The following NIM1K variants were observed in gnomAD, a reference collection of about 807,000 sequenced individuals.
The protein encoded by NIM1K is serine/threonine-protein kinase NIM1.
A neutral mutation model predicts 37.1 loss-of-function variants in NIM1K; 35 were observed. That is an observed-to-expected ratio of 0.94 (90% CI 0.72 to 1.25). The LOEUF is 1.25. Ranked by LOEUF, NIM1K falls within the 50% of genes most tolerant of loss-of-function variation. The probability of loss-of-function intolerance (pLI) is 0.00; values close to 1 mark genes in which losing one functional copy is unlikely to be tolerated. For synonymous variants in NIM1K, 234 were observed against 206.6 expected (o/e 1.13, Z -1.14); for missense variants, 564 against 548.0 (o/e 1.03, Z -0.29).
intron 1 of NIM1K, among the ~76,000 whole-genome samples, chr5:43,208,771 G>C (rs958401456): frequency 6.6e-6 from 1 of 152,212 alleles, no homozygotes; most frequent in African/African-American, 2.4e-5. Flanking sequence ...CTTGAGGCTG[G>C]ATATTTAACT....
chr5:43,228,573 C>G (rs1364601572), intron 1 of NIM1K, among the ~76,000 whole-genome samples: 5 of 151,818 alleles, frequency 3.3e-5, no homozygotes, highest in African/African-American at 1.2e-4. Context: ...TCCTGTAATC[C>G]CAGCGTTTTG....
chr5:43,249,616 A>G (rs1171860331), intron 2 of NIM1K, among the ~76,000 whole-genome samples: 8 of 152,150 alleles, frequency 5.3e-5, no homozygotes, highest in Admixed American at 2.6e-4. Context: ...GAATAGGAGA[A>G]AGAGCAAATT....
chr5:43,279,771 A>C (rs1753408541), intron 3 of NIM1K, among the ~76,000 whole-genome samples: 1 of 152,212 alleles, frequency 6.6e-6, no homozygotes, highest in South Asian at 2.1e-4. Flanking sequence ...AACCCTTACC[A>C]CATAGAATAG....
rs143310596 is a variant in NIM1K, at chr5:43,198,768, A to T, written c.-695+6357A>T. The stretch of plus-strand genomic sequence containing the variant: ...TCAGACAGTCTTGGGCTTGAAATTA[A>T]ACTTGGATGTTAATTGCCTGTATGG... On this transcript the variant is annotated intron_variant, in intron 1 of 3. Coordinates refer to ENST00000326035, the MANE Select transcript of NIM1K (RefSeq NM_153361.4). Among the ~76,000 whole-genome samples, 441 of 152,338 alleles carry T rather than the reference A, an allele frequency of 2.9e-3. 2 individuals carry two copies. The highest frequency in any genetic ancestry group is 0.01 in the African/African-American group (429 of 41,582).
At position 43,250,976 on chromosome 5, in the gene NIM1K, C is replaced by G. The variant is rs112191324; in HGVS notation, c.292+4909C>G. Among the ~76,000 whole-genome samples, 522 of 152,284 alleles carry G rather than the reference C, an allele frequency of 3.4e-3. 4 individuals carry two copies. Among genetic ancestry groups the G allele is most frequent in the African/African-American group, 0.012 (509 of 41,546 alleles). On this transcript the variant is annotated intron_variant, in intron 2 of 3. Coordinates refer to ENST00000326035, the MANE Select transcript of NIM1K (RefSeq NM_153361.4). ...CTTCTGACTTTAGGCATATTAATCTCTTTGGTCCTCAGTTGCCTCAGCTGT... is the reference window on the plus strand; with the variant it reads ...CTTCTGACTTTAGGCATATTAATCTGTTTGGTCCTCAGTTGCCTCAGCTGT...
intron 2 of NIM1K, among the ~76,000 whole-genome samples, chr5:43,251,503 TGTCCCAAG>T (rs1752866101): frequency 6.6e-6 from 1 of 152,226 alleles, no homozygotes; most frequent in African/African-American, 2.4e-5. Context: ...CAGAAGAGGC[TGTCCCAAG>T]GTTTAGAACC....
intron 1 of NIM1K, among the ~76,000 whole-genome samples, chr5:43,212,847 T>C (rs1290467904): frequency 6.6e-6 from 1 of 152,220 alleles, no homozygotes. Flanking sequence ...CACTGTTTCC[T>C]TTCAAGAGCC....
At chr5:43,244,496 G>A (rs140919861) in intron 1 of NIM1K, among the ~76,000 whole-genome samples, 84 of 152,248 alleles carry the variant, frequency 5.5e-4, no homozygotes, top group Non-Finnish European at 8.7e-4. Flanking sequence ...CTTGTCACTG[G>A]CAATGCTGTA....
In NIM1K at chr5:43,274,744, CAGT is replaced by C. The variant is rs372603597; in HGVS notation, c.293-2312_293-2310del. 2.1e-3 allele frequency among the ~76,000 whole-genome samples: 319 copies of C among 152,360 alleles called. 1 individual carries two copies. Among genetic ancestry groups the C allele is most frequent in the East Asian group, 0.018 (92 of 5,182 alleles). ...GGGGCGGGCTGGCTGCCGCAGACAC[CAGT>C]GAACCCTTTTTCCATTCCAGAAGTC... On this transcript the variant is annotated intron_variant, in intron 2 of 3. Transcript: ENST00000326035.
At position 43,229,737 on chromosome 5, in the gene NIM1K, A is replaced by G. The variant is rs929099750; in HGVS notation, c.-694-15345A>G. On this transcript the variant is annotated intron_variant, in intron 1 of 3. Transcript: ENST00000326035. ...CTGCAACTTCTGCCTCCTGAGTTCA[A>G]GTGATTCTTCTGCCTCAGCCTCCTG... 2.6e-5 allele frequency among the ~76,000 whole-genome samples: 4 copies of G among 151,180 alleles called. No individual in the cohort carries two copies. In the East Asian group the frequency reaches 7.9e-4, roughly 30 times the overall value.
intron 1 of NIM1K, among the ~76,000 whole-genome samples, chr5:43,209,296 C>T (rs1285404803): frequency 6.6e-6 from 1 of 152,168 alleles, no homozygotes; most frequent in Non-Finnish European, 1.5e-5. Context: ...GTATGCTTCA[C>T]TGGGAGCCGT....
At chr5:43,213,368 C>T (rs964137695) in intron 1 of NIM1K, among the ~76,000 whole-genome samples, 1 of 146,642 alleles carries the variant, frequency 6.8e-6, no homozygotes, top group African/African-American at 2.6e-5. Context: ...CATTCATTGT[C>T]ACCCAGGCTG....
intron 1 of NIM1K, among the ~76,000 whole-genome samples, chr5:43,198,203 CTTTCTCTTTCTT>C (rs1398925585): frequency 6.6e-3 from 306 of 46,386 alleles, no homozygotes; most frequent in Middle Eastern, 0.015. Flanking sequence ...TTCTTTCTTT[CTTTCTCTTTCTT>C]TCTTTCTTTC....
At chr5:43,269,803 A>G (rs951414468) in intron 2 of NIM1K, among the ~76,000 whole-genome samples, 1 of 152,076 alleles carries the variant, frequency 6.6e-6, no homozygotes, top group African/African-American at 2.4e-5. Context: ...TATTTTTAGT[A>G]GAGACGGGGT....
At chr5:43,218,301 G>A (rs1289328024) in intron 1 of NIM1K, among the ~76,000 whole-genome samples, 1 of 152,218 alleles carries the variant, frequency 6.6e-6, no homozygotes, top group East Asian at 1.9e-4. Context: ...GTGAGCCACC[G>A]TGCCCGGCCT....
At chr5:43,276,876 G>A (rs530507647) in intron 2 of NIM1K, among the ~76,000 whole-genome samples, 181 bp from the exon 3 acceptor site, 1 of 152,134 alleles carries the variant, frequency 6.6e-6, no homozygotes, top group Non-Finnish European at 1.5e-5. Context: ...GACTCACACC[G>A]ATCCAAGGGA....
intron 1 of NIM1K, among the ~76,000 whole-genome samples, chr5:43,196,983 ACTATGTT>A: frequency 8.8e-6 from 1 of 113,144 alleles, no homozygotes; most frequent in South Asian, 2.9e-4. Context: ...ACAAGGTTTC[ACTATGTT>A]GCCCAGCCTG....
At chr5:43,231,898 C>A (rs1561080896) in intron 1 of NIM1K, 1 of 1,044,144 alleles carries the variant, frequency 9.6e-7, no homozygotes, top group East Asian at 3.9e-5. Flanking sequence ...GCAGTCATGT[C>A]CTCACTGGCC....
intron 2 of NIM1K, among the ~76,000 whole-genome samples, chr5:43,269,367 T>C (rs1172686157): frequency 6.8e-6 from 1 of 146,692 alleles, no homozygotes; most frequent in African/African-American, 2.5e-5. Flanking sequence ...GGTTTCCATA[T>C]ACACAGAACA....
Sources: gnomAD v4.1 joint callset for allele counts (sites outside exome capture counted in the v4.1 genomes callset) on GRCh38, gnomAD v4.1.1 for gene constraint, MANE v1.5 for transcripts, NCBI Gene and HGNC (gene_info 2026-07-23, HGNC 2026-07-21) for gene names.